NRXN3: variants seen among roughly 807,000 people sequenced by gnomAD.
NRXN3 encodes the protein neurexin III.
NRXN3 carries 32 observed loss-of-function variants against 137.6 expected under a neutral mutation model. That is an observed-to-expected ratio of 0.23 (90% confidence interval 0.18 to 0.31). The LOEUF (loss-of-function observed/expected upper bound fraction) is 0.31, where lower values mean the gene tolerates loss of function less well. NRXN3 is among the 10% of genes least tolerant of loss of function. The probability of loss-of-function intolerance (pLI) is 1.00; values close to 1 mark genes in which losing one functional copy is unlikely to be tolerated. For synonymous variants in NRXN3, 798 were observed against 784.5 expected, an observed-to-expected ratio of 1.02 and a Z score of -0.29; for missense variants, 1,574 against 2,062.5, an observed-to-expected ratio of 0.76 and a Z score of 4.59.
At chr14:78,511,449 T>G (rs887282820) in intron 4 of NRXN3, among the ~76,000 whole-genome samples, 1 of 152,200 alleles carries the variant, frequency 6.6e-6, no homozygotes, top group African/African-American at 2.4e-5. Flanking sequence ...ATCTCCCACT[T>G]CTATATGAAG....
At chr14:78,456,418 G>A (rs1184067633) in intron 4 of NRXN3, among the ~76,000 whole-genome samples, 1 of 152,226 alleles carries the variant, frequency 6.6e-6, no homozygotes. Context: ...ACACAGGTAT[G>A]TAAAGGGTTT....
At chr14:78,767,269 C>T (rs947603598) in intron 8 of NRXN3, among the ~76,000 whole-genome samples, 1 of 152,156 alleles carries the variant, frequency 6.6e-6, no homozygotes, top group African/African-American at 2.4e-5. Flanking sequence ...GTGGCCTTTC[C>T]ATAGGTGTTT....
chr14:78,685,495 G>A (rs1027840933), intron 6 of NRXN3, among the ~76,000 whole-genome samples: 1 of 151,946 alleles, frequency 6.6e-6, no homozygotes, highest in African/African-American at 2.4e-5. Context: ...TCTCCTTGAT[G>A]TTCTTTGAAC....
At chr14:79,773,014 A>C (rs1039414676) in intron 19 of NRXN3, among the ~76,000 whole-genome samples, 8 of 152,038 alleles carry the variant, frequency 5.3e-5, no homozygotes, top group East Asian at 1.9e-4. Flanking sequence ...GCAGCCAAAA[A>C]ACACATGAAA....
At chr14:79,230,925 A>T (rs551829661) in intron 15 of NRXN3, among the ~76,000 whole-genome samples, 1 of 152,154 alleles carries the variant, frequency 6.6e-6, no homozygotes, top group African/African-American at 2.4e-5. Flanking sequence ...TTTTCTTAGC[A>T]TACAAGAGTT....
chr14:78,608,139 T>G (rs2097267893), intron 4 of NRXN3, among the ~76,000 whole-genome samples: 1 of 152,194 alleles, frequency 6.6e-6, no homozygotes, highest in Non-Finnish European at 1.5e-5. Context: ...CTGAGAGTCT[T>G]GGCGGAGATG....
intron 4 of NRXN3, among the ~76,000 whole-genome samples, chr14:78,316,732 G>A (rs144186878): frequency 1.8e-4 from 27 of 152,202 alleles, no homozygotes; most frequent in Middle Eastern, 3.4e-3. Context: ...GGCATTTATG[G>A]GCTCAGTTTC....
chr14:78,426,828 A>C (rs1167772660), intron 4 of NRXN3, among the ~76,000 whole-genome samples: 1 of 152,132 alleles, frequency 6.6e-6, no homozygotes, highest in Admixed American at 6.5e-5. Context: ...AAAGTGCTGT[A>C]TTTTGGGGTA....
chr14:79,337,026 C>T (rs573161192), intron 15 of NRXN3, among the ~76,000 whole-genome samples: 1 of 152,294 alleles, frequency 6.6e-6, no homozygotes, highest in African/African-American at 2.4e-5. Flanking sequence ...AACGCTTCAC[C>T]TATTTCTTGA....
At chr14:78,353,283 C>T (rs964181201) in intron 4 of NRXN3, among the ~76,000 whole-genome samples, 2 of 152,134 alleles carry the variant, frequency 1.3e-5, no homozygotes, top group Non-Finnish European at 2.9e-5. Flanking sequence ...TCCATTTGGG[C>T]TACTAAAACA....
At chr14:79,823,817 A>G in intron 20 of NRXN3, 1 of 364,460 alleles carries the variant, frequency 2.7e-6, no homozygotes, top group Admixed American at 2.4e-5. Context: ...TGCTGGAGGA[A>G]TTCAAAGATG....
intron 19 of NRXN3, among the ~76,000 whole-genome samples, chr14:79,771,023 A>G (rs1334093763): frequency 6.6e-6 from 1 of 152,232 alleles, no homozygotes; most frequent in African/African-American, 2.4e-5. Context: ...TAGAAAATCT[A>G]GAAGAAATGG....
chr14:78,863,361 T>C (rs955211236), intron 10 of NRXN3, among the ~76,000 whole-genome samples: 2 of 152,188 alleles, frequency 1.3e-5, no homozygotes, highest in Admixed American at 6.5e-5. Flanking sequence ...GTGCTGAACG[T>C]GCTCTGCAAC....
chr14:78,792,332 A>G (rs766873261), intron 8 of NRXN3, among the ~76,000 whole-genome samples: 3 of 151,374 alleles, frequency 2.0e-5, no homozygotes, highest in Non-Finnish European at 4.4e-5. Context: ...ATAATTAGTA[A>G]CAACAGGGGG....
In NRXN3 at chr14:78,974,305, G is replaced by A. The variant is rs73327320; in HGVS notation, c.3142+5959G>A. Among the ~76,000 whole-genome samples, 1,086 of 152,308 alleles carry A rather than the reference G, an allele frequency of 7.1e-3. 17 individuals carry two copies. Among genetic ancestry groups the A allele is most frequent in the African/African-American group, 0.024 (1,013 of 41,570 alleles). ...AAGCTCCTTAGGACTGGATTTAGCG[G>A]ATTAAACTAGACAACTACATCTCTT... On this transcript the variant is annotated intron_variant, in intron 14 of 20. Coordinates refer to ENST00000335750, the MANE Select transcript of NRXN3 (RefSeq NM_001330195.2).
At chr14:78,748,584 C>G (rs2098625103) in intron 8 of NRXN3, among the ~76,000 whole-genome samples, 1 of 151,990 alleles carries the variant, frequency 6.6e-6, no homozygotes. Flanking sequence ...AGGCAGGCAG[C>G]AAGTGGAGAA....
At chr14:79,133,936 A>AG (rs2057929210) in intron 15 of NRXN3, among the ~76,000 whole-genome samples, 2 of 101,668 alleles carry the variant, frequency 2.0e-5, no homozygotes, top group African/African-American at 7.3e-5. Flanking sequence ...CTCAAAAAAA[A>AG]GAAAAAAAAA....
chr14:78,478,691 T>G (rs936406220), intron 4 of NRXN3, among the ~76,000 whole-genome samples: 3 of 152,072 alleles, frequency 2.0e-5, no homozygotes, highest in Non-Finnish European at 4.4e-5. Flanking sequence ...GGTAAGTGAC[T>G]CCCAGCCCAC....
chr14:78,786,536 A>G (rs769704090), intron 8 of NRXN3, among the ~76,000 whole-genome samples: 1 of 152,134 alleles, frequency 6.6e-6, no homozygotes, highest in South Asian at 2.1e-4. Flanking sequence ...TCTTAGCCAC[A>G]TCCACTAAAA....
Sources: gnomAD v4.1 joint callset for allele counts (sites outside exome capture counted in the v4.1 genomes callset) on GRCh38, gnomAD v4.1.1 for gene constraint, MANE v1.5 for transcripts, NCBI Gene and HGNC (gene_info 2026-07-23, HGNC 2026-07-21) for gene names.